SGIP1: variants seen among roughly 807,000 people sequenced by gnomAD.
SGIP1 encodes SH3-containing GRB2-like protein 3-interacting protein 1.
A neutral mutation model predicts 107.5 loss-of-function variants in SGIP1; 38 were observed. The observed-to-expected ratio is 0.35, with a 90% confidence interval of 0.27 to 0.46. SGIP1 has a LOEUF of 0.46. Ranked by LOEUF, SGIP1 falls within the 20% of genes least tolerant of loss-of-function variation. The pLI is 1.00. For missense variants in SGIP1, 929 were observed against 1,019.5 expected (o/e 0.91, Z 1.21); for synonymous variants, 365 against 366.1 (o/e 1.00, Z 0.03).
chr1:66,612,927 C>A lies in SGIP1; in HGVS notation c.11-12920C>A, dbSNP rs116605442. Among the ~76,000 whole-genome samples, 572 of 152,232 alleles carry A rather than the reference C, an allele frequency of 3.8e-3. 1 individual carries two copies. Among genetic ancestry groups the A allele is most frequent in the African/African-American group, 0.013 (551 of 41,562 alleles). ...AAACTCAGACTTGGCTTATTACTGT[C>A]AAAACTAGAAAATTTTTAAGAGTTA... On this transcript the variant is annotated intron_variant, in intron 1 of 24. Transcript: ENST00000371037.
At chr1:66,690,424 G>T in intron 17 of SGIP1, 108 bp downstream of exon 17, 4 of 1,486,642 alleles carry the variant, frequency 2.7e-6, no homozygotes, top group Non-Finnish European at 3.6e-6. Context: ...GTTTTGCTGT[G>T]TGTTTTGCTA....
chr1:66,716,397 T>C (rs1270132527), intron 18 of SGIP1, among the ~76,000 whole-genome samples: 2 of 152,208 alleles, frequency 1.3e-5, no homozygotes, highest in Non-Finnish European at 2.9e-5. Flanking sequence ...TAAAAAATAT[T>C]ATGATGATGA....
rs1355553990 is a variant in SGIP1, at chr1:66,690,332, T to A, written c.1570+16T>A. On this transcript the variant is annotated intron_variant, in intron 17 of 24. Coordinates refer to ENST00000371037, the MANE Select transcript of SGIP1 (RefSeq NM_032291.4). ...CCCACAGTTGGTAAAAATTCTCTCC[T>A]CTCTTTTAATCCGTTTGTGGTTTTG... is the stretch of plus-strand genomic sequence containing the variant. 6.2e-7 allele frequency: 1 copy of A among 1,613,586 alleles called. No homozygotes were observed. The highest frequency in any genetic ancestry group is 1.3e-5 in the African/African-American group (1 of 74,908).
intron 1 of SGIP1, among the ~76,000 whole-genome samples, chr1:66,566,559 C>T (rs1480071121): frequency 6.6e-6 from 1 of 151,832 alleles, no homozygotes; most frequent in Non-Finnish European, 1.5e-5. Flanking sequence ...AATTGCAGTC[C>T]TAACCATACC....
intron 14 of SGIP1, 32 bp downstream of exon 14, chr1:66,679,784 T>C (rs373471530): frequency 1.2e-5 from 18 of 1,559,710 alleles, no homozygotes; most frequent in East Asian, 7.3e-5. Context: ...TCTGGGATGA[T>C]GTGTCAAACA....
In SGIP1 at chr1:66,741,450, T is replaced by C; in HGVS notation, c.2464+14T>C. The C allele has an allele frequency of 6.5e-7, 1 of 1,542,708 alleles. No homozygotes were observed. The highest frequency in any genetic ancestry group is 1.2e-5 in the South Asian group (1 of 81,366). On this transcript the variant is annotated intron_variant, in intron 24 of 24. Coordinates refer to ENST00000371037, the MANE Select transcript of SGIP1 (RefSeq NM_032291.4). ...GGTTTGCTGCAGGTAAATGAGTATCTTGATTTTTTCATTTGCGAAAATAAT... is the reference window on the plus strand; with the variant it reads ...GGTTTGCTGCAGGTAAATGAGTATCCTGATTTTTTCATTTGCGAAAATAAT...
chr1:66,638,605 A>G (rs17129230), intron 4 of SGIP1, among the ~76,000 whole-genome samples: 2,359 of 152,224 alleles, frequency 0.015, 60 homozygotes, highest in African/African-American at 0.051. Context: ...TGAACACATT[A>G]TCTATTTCTT....
intron 15 of SGIP1, among the ~76,000 whole-genome samples, chr1:66,686,363 C>G (rs1286187636): frequency 6.6e-6 from 1 of 152,090 alleles, no homozygotes; most frequent in Non-Finnish European, 1.5e-5. Flanking sequence ...TCAATCGTTG[C>G]CAACCTTTTT....
chr1:66,722,200 C>T (rs1015831451), intron 19 of SGIP1, among the ~76,000 whole-genome samples: 4 of 152,162 alleles, frequency 2.6e-5, no homozygotes, highest in Non-Finnish European at 4.4e-5. Context: ...TTTCTGCCTT[C>T]GTGAAATCTT....
At chr1:66,740,744 T>G in intron 23 of SGIP1, 22 bp downstream of exon 23, 2 of 1,543,698 alleles carry the variant, frequency 1.3e-6, no homozygotes, top group Non-Finnish European at 1.8e-6. Context: ...ACAAGTTTAT[T>G]TTATTTAACA....
chr1:66,635,669 T>A (rs1396296220), intron 3 of SGIP1, among the ~76,000 whole-genome samples: 1 of 152,164 alleles, frequency 6.6e-6, no homozygotes, highest in African/African-American at 2.4e-5. Flanking sequence ...GAGAAATAGA[T>A]CCACATGGTC....
intron 2 of SGIP1, among the ~76,000 whole-genome samples, 167 bp from the exon 3 acceptor site, chr1:66,632,903 A>G (rs1248078161): frequency 6.6e-6 from 1 of 152,102 alleles, no homozygotes; most frequent in Non-Finnish European, 1.5e-5. Flanking sequence ...ACACTTAAAT[A>G]CCACTCAACC....
intron 17 of SGIP1, chr1:66,694,796 A>C (rs1189636141): frequency 3.0e-6 from 1 of 334,438 alleles, no homozygotes; most frequent in African/African-American, 2.1e-5. Context: ...TTAACTGCTC[A>C]GAATTACATG....
intron 7 of SGIP1, among the ~76,000 whole-genome samples, chr1:66,651,070 C>T (rs2078661127): frequency 6.6e-6 from 1 of 152,118 alleles, no homozygotes; most frequent in African/African-American, 2.4e-5. Flanking sequence ...TTAAGGAATG[C>T]ATATAAGGTG....
Position 66,589,163 on chromosome 1 carries a change from CATATATAT to C in SGIP1, c.11-36637_11-36630del, listed in dbSNP as rs55788345. Among the ~76,000 whole-genome samples, 569 of 69,556 alleles carry C rather than the reference CATATATAT, an allele frequency of 8.2e-3. 3 individuals carry two copies. The highest frequency in any genetic ancestry group is 0.018 in the Middle Eastern group (2 of 112). The allele number at this position is 69,556 out of a possible 152,430, so 45.6% of individuals were successfully genotyped here. A position where few individuals can be genotyped will look rare whatever the true frequency, so the allele number is the denominator to read the frequency against. On this transcript the variant is annotated intron_variant, in intron 1 of 24. Coordinates refer to ENST00000371037, the MANE Select transcript of SGIP1 (RefSeq NM_032291.4). ...GGTAACTTTTTCTGATAAAAGTTTA[CATATATAT>C]ATATATATATATATATATATATATA...
At chr1:66,677,127 A>G (rs758900988) in intron 13 of SGIP1, 31 bp downstream of exon 13, 13 of 1,558,128 alleles carry the variant, frequency 8.3e-6, no homozygotes, top group South Asian at 1.1e-5. Flanking sequence ...GTCTGGAAAA[A>G]TAAGTGACTC....
chr1:66,649,906 G>A (rs924738501), intron 7 of SGIP1, among the ~76,000 whole-genome samples: 6 of 152,048 alleles, frequency 3.9e-5, no homozygotes, highest in Admixed American at 6.6e-5. Flanking sequence ...GATGACTTTT[G>A]GTATGTTGAA....
chr1:66,648,760 T>A (rs2078144595), intron 7 of SGIP1, among the ~76,000 whole-genome samples: 2 of 152,148 alleles, frequency 1.3e-5, no homozygotes, highest in South Asian at 4.1e-4. Flanking sequence ...GTTCTAGAAT[T>A]TTGGGTTAAT....
chr1:66,587,819 A>T (rs895112719), intron 1 of SGIP1, among the ~76,000 whole-genome samples: 1 of 152,168 alleles, frequency 6.6e-6, no homozygotes, highest in Non-Finnish European at 1.5e-5. Context: ...CACAAAGGTA[A>T]GGAAGATGAA....
Sources: allele counts gnomAD v4.1 joint callset (sites outside exome capture counted in the v4.1 genomes callset), GRCh38; gene constraint gnomAD v4.1.1; transcripts MANE v1.5; gene names NCBI Gene and HGNC (gene_info 2026-07-23, HGNC 2026-07-21).